Variants in UNC13C observed in about 807,000 individuals in gnomAD.
UNC13C encodes unc-13 homolog C, also known as protein unc-13 homolog C.
Under a neutral mutation model 245.4 loss-of-function variants are expected in UNC13C, and 174 were observed. The ratio of observed to expected loss-of-function variants is 0.71; its 90% CI spans 0.63 to 0.80. The LOEUF (loss-of-function observed/expected upper bound fraction) is 0.80, where lower values mean the gene tolerates loss of function less well. Ranked by LOEUF, UNC13C falls within the 30% of genes least tolerant of loss-of-function variation. UNC13C has a pLI of 0.00. For synonymous variants in UNC13C, 992 were observed against 895.1 expected, an observed-to-expected ratio of 1.11 and a Z score of -1.93; for missense variants, 2,829 against 2,602.9, an observed-to-expected ratio of 1.09 and a Z score of -1.89.
At chr15:54,342,354 T>C (rs941862971) in intron 17 of UNC13C, among the ~76,000 whole-genome samples, 7 of 152,178 alleles carry the variant, frequency 4.6e-5, no homozygotes, top group African/African-American at 1.7e-4. Flanking sequence ...TTTACAAATG[T>C]AGTCTAGCTT....
At chr15:54,599,192 T>C (rs1352518445) in intron 30 of UNC13C, among the ~76,000 whole-genome samples, 2 of 152,078 alleles carry the variant, frequency 1.3e-5, no homozygotes, top group East Asian at 3.9e-4. Context: ...CATTCCCATC[T>C]TACCAATGAA....
intron 20 of UNC13C, among the ~76,000 whole-genome samples, chr15:54,495,223 A>G (rs777343701): frequency 5.5e-4 from 83 of 152,110 alleles, no homozygotes; most frequent in Admixed American, 1.8e-3. Context: ...AATAATTTGC[A>G]TTTGATATGT....
At chr15:54,434,487 T>G (rs8023301) in intron 19 of UNC13C, among the ~76,000 whole-genome samples, 146,722 of 152,158 alleles carry the variant, frequency 0.96, 70,811 homozygotes, top group South Asian at 0.99. Context: ...ATGGGGAAAG[T>G]GTTCCCTATT....
intron 27 of UNC13C, among the ~76,000 whole-genome samples, chr15:54,549,238 A>G (rs2141180920): frequency 6.6e-6 from 1 of 152,184 alleles, no homozygotes; most frequent in East Asian, 1.9e-4. Context: ...AGAAGGAGCA[A>G]TTCCACCTTC....
chr15:54,490,009 C>G (rs1243787566), intron 19 of UNC13C, among the ~76,000 whole-genome samples: 1 of 152,156 alleles, frequency 6.6e-6, no homozygotes, highest in Non-Finnish European at 1.5e-5. Flanking sequence ...CAAACAGATA[C>G]TGAGCTCCCC....
chr15:53,893,696 C>T, the UNC13C span, among the ~76,000 whole-genome samples: 2 of 151,906 alleles, frequency 1.3e-5, no homozygotes, highest in African/African-American at 4.9e-5. Flanking sequence ...GGATGTCCCT[C>T]CCCCCACCAA....
chr15:54,185,829 G>C (rs1178828618), intron 4 of UNC13C, among the ~76,000 whole-genome samples: 1 of 150,792 alleles, frequency 6.6e-6, no homozygotes, highest in Non-Finnish European at 1.5e-5. Flanking sequence ...AGCTTGATGG[G>C]GATGGCATTG....
At chr15:54,351,803 GATTTTA>G (rs1381898915) in intron 17 of UNC13C, among the ~76,000 whole-genome samples, 1 of 151,960 alleles carries the variant, frequency 6.6e-6, no homozygotes, top group Non-Finnish European at 1.5e-5. Flanking sequence ...AAAACCATAA[GATTTTA>G]ATTTTAATTT....
intron 16 of UNC13C, 106 bp downstream of exon 16, chr15:54,333,962 C>T: frequency 1.3e-6 from 1 of 752,578 alleles, no homozygotes; most frequent in Admixed American, 2.2e-5. Context: ...GTGTTAACTC[C>T]ATCGATTAAG....
intron 2 of UNC13C, among the ~76,000 whole-genome samples, chr15:54,114,760 C>T (rs1319509632): frequency 6.6e-6 from 1 of 152,054 alleles, no homozygotes; most frequent in Non-Finnish European, 1.5e-5. Flanking sequence ...TTAGATATTG[C>T]TATTTATTTC....
At chr15:54,234,559 T>C (rs2035639249) in intron 4 of UNC13C, among the ~76,000 whole-genome samples, 1 of 152,210 alleles carries the variant, frequency 6.6e-6, no homozygotes, top group Non-Finnish European at 1.5e-5. Flanking sequence ...ATCTTAAATA[T>C]GTCCATGACT....
chr15:54,227,050 T>C (rs2035405902), intron 4 of UNC13C, among the ~76,000 whole-genome samples: 1 of 152,154 alleles, frequency 6.6e-6, no homozygotes, highest in African/African-American at 2.4e-5. Flanking sequence ...TGAGTCCTTA[T>C]ACTTTGTCCA....
chr15:53,891,076 T>C, the UNC13C span, among the ~76,000 whole-genome samples: 1 of 152,190 alleles, frequency 6.6e-6, no homozygotes, highest in Non-Finnish European at 1.5e-5. Context: ...TTTGTTCCCA[T>C]TGGTTTCAAG....
chr15:54,074,632 CTT>C (rs1030766957), intron 2 of UNC13C, among the ~76,000 whole-genome samples: 6 of 152,076 alleles, frequency 3.9e-5, no homozygotes, highest in African/African-American at 1.4e-4. Context: ...ATTTTATTCT[CTT>C]TGTAGCAATT....
chr15:54,297,680 C>G, intron 11 of UNC13C, 131 bp from the exon 12 acceptor site: 1 of 692,578 alleles, frequency 1.4e-6, no homozygotes, highest in East Asian at 2.7e-5. Flanking sequence ...ATAAGCAGCT[C>G]TGACTCAGAA....
downstream of UNC13C, chr15:54,629,198 T>C (rs2947003): frequency 0.77 from 117,365 of 152,016 alleles, 46,171 homozygotes; most frequent in African/African-American, 0.94. Flanking sequence ...GAAAACGAAA[T>C]ACTACATGTT....
chr15:54,153,665 C>T (rs890891737), intron 4 of UNC13C, among the ~76,000 whole-genome samples: 3 of 152,114 alleles, frequency 2.0e-5, no homozygotes, highest in South Asian at 4.2e-4. Context: ...TTAAATTTAA[C>T]ATTACATTAT....
chr15:54,585,779 T>G (rs1270755258), intron 30 of UNC13C, among the ~76,000 whole-genome samples: 3 of 152,196 alleles, frequency 2.0e-5, no homozygotes, highest in Non-Finnish European at 4.4e-5. Context: ...ATCTCACCTC[T>G]TAATATAACA....
At chr15:53,850,917 C>G in the UNC13C span, among the ~76,000 whole-genome samples, 1 of 151,010 alleles carries the variant, frequency 6.6e-6, no homozygotes, top group Non-Finnish European at 1.5e-5. Context: ...AGTGCTATTA[C>G]TATGCCTTCC....
Sources: allele counts gnomAD v4.1 joint callset (sites outside exome capture counted in the v4.1 genomes callset), GRCh38; gene constraint gnomAD v4.1.1; transcripts MANE v1.5; gene names NCBI Gene and HGNC (gene_info 2026-07-23, HGNC 2026-07-21).